Variants in SUPT3H observed in about 807,000 individuals in gnomAD.
SUPT3H encodes SPT3 homolog, SAGA and STAGA complex component, also known as transcription initiation protein SPT3 homolog.
SUPT3H carries 44 observed loss-of-function variants against 44.3 expected under a neutral mutation model. The ratio of observed to expected loss-of-function variants is 0.99; its 90% CI spans 0.78 to 1.28. The LOEUF (loss-of-function observed/expected upper bound fraction) is 1.28. Among genes scored for constraint, SUPT3H ranks in the 50% most tolerant of loss-of-function variants. The pLI is 0.00. For synonymous variants in SUPT3H, 124 were observed against 125.6 expected (o/e 0.99, Z 0.09); for missense variants, 380 against 387.1 (o/e 0.98, Z 0.15).
At chr6:44,845,162 C>T (rs1015700669) in intron 10 of SUPT3H, among the ~76,000 whole-genome samples, 3 of 152,146 alleles carry the variant, frequency 2.0e-5, no homozygotes, top group Admixed American at 2.0e-4. Context: ...TATAATTATA[C>T]AATAAATTCC....
intron 5 of SUPT3H, among the ~76,000 whole-genome samples, chr6:45,009,336 T>G (rs529297726): frequency 1.3e-5 from 2 of 152,314 alleles, no homozygotes; most frequent in South Asian, 4.1e-4. Flanking sequence ...AATTTTCCCT[T>G]TTTCTTTTGC....
chr6:45,251,862 T>A (rs1166664903), intron 2 of SUPT3H, among the ~76,000 whole-genome samples: 1 of 152,110 alleles, frequency 6.6e-6, no homozygotes, highest in African/African-American at 2.4e-5. Context: ...TCCAAAGGTT[T>A]AGATATGAAC....
chr6:45,173,739 C>T (rs1053781647), intron 2 of SUPT3H, among the ~76,000 whole-genome samples: 1 of 152,204 alleles, frequency 6.6e-6, no homozygotes, highest in African/African-American at 2.4e-5. Flanking sequence ...ATACATACTT[C>T]AAAAGCCTAA....
intron 3 of SUPT3H, among the ~76,000 whole-genome samples, chr6:45,089,443 A>C (rs1796870384): frequency 6.6e-6 from 1 of 151,978 alleles, no homozygotes; most frequent in South Asian, 2.1e-4. Flanking sequence ...ATCTTCCTGA[A>C]ATGCCATTCG....
intron 2 of SUPT3H, among the ~76,000 whole-genome samples, chr6:45,220,397 C>G (rs566096378): frequency 6.6e-6 from 1 of 152,072 alleles, no homozygotes; most frequent in African/African-American, 2.4e-5. Context: ...AAAAAAAAAT[C>G]TGACAAAATC....
At chr6:44,821,719 T>C (rs1029049672) in intron 11 of SUPT3H, among the ~76,000 whole-genome samples, 1 of 152,028 alleles carries the variant, frequency 6.6e-6, no homozygotes, top group Non-Finnish European at 1.5e-5. Flanking sequence ...AAATAAGACA[T>C]ATGAAAAAAG....
intron 6 of SUPT3H, among the ~76,000 whole-genome samples, chr6:44,999,483 T>C (rs1781726925): frequency 6.6e-6 from 1 of 151,996 alleles, no homozygotes; most frequent in South Asian, 2.1e-4. Flanking sequence ...TTACATATAA[T>C]TGAACATGTG....
At chr6:45,136,496 A>T (rs778177278) in intron 2 of SUPT3H, among the ~76,000 whole-genome samples, 17 of 152,294 alleles carry the variant, frequency 1.1e-4, no homozygotes, top group Non-Finnish European at 2.2e-4. Context: ...ATACAAGTCA[A>T]GCAGTCATTA....
At chr6:45,328,912 T>C (rs749689318) in intron 2 of SUPT3H, 8 of 996,918 alleles carry the variant, frequency 8.0e-6, no homozygotes, top group Non-Finnish European at 1.2e-5. Context: ...TCTTGTTGCA[T>C]TAAGAATTGA....
In SUPT3H at chr6:45,020,583, G is replaced by A; in HGVS notation, c.236C>T (p.Thr79Ile). 1 of 1,611,740 alleles carries A rather than the reference G, an allele frequency of 6.2e-7. No homozygotes were observed. The highest frequency in any genetic ancestry group is 8.5e-7 in the Non-Finnish European group (1 of 1,178,466). The change falls in exon 4 of 11, where the codon ACT becomes ATT. Residue 79 changes from threonine to isoleucine, a missense_variant. Physicochemically the swap from Thr to Ile is moderately conservative, Grantham distance 89. Coordinates refer to ENST00000371459, the MANE Select transcript of SUPT3H (RefSeq NM_003599.4). ...CATCAAAAACAGAAGATCTTCAGGA[G>A]TGATTACCCTTGCTCCCCGCAGCTG... is the stretch of plus-strand genomic sequence containing the variant. ...VSQLRGARVI[T>I]PEDLLFLMRK...
intron 6 of SUPT3H, among the ~76,000 whole-genome samples, chr6:44,974,933 G>A (rs1778108705): frequency 6.6e-6 from 1 of 152,138 alleles, no homozygotes; most frequent in South Asian, 2.1e-4. Flanking sequence ...TTTATTGGGA[G>A]GCCGAGGCAG....
intron 6 of SUPT3H, among the ~76,000 whole-genome samples, chr6:44,994,940 T>A (rs905669780): frequency 8.6e-5 from 13 of 151,874 alleles, no homozygotes; most frequent in South Asian, 2.1e-4. Context: ...TTTTTTTTTT[T>A]AATTAACTGC....
intron 1 of SUPT3H, among the ~76,000 whole-genome samples, chr6:45,375,263 T>C (rs1796620706): frequency 1.3e-5 from 2 of 152,160 alleles, no homozygotes; most frequent in Non-Finnish European, 1.5e-5. Context: ...TAAAACTATA[T>C]ATTACAAGTC....
chr6:45,000,194 A>G (rs1781837170), intron 6 of SUPT3H, among the ~76,000 whole-genome samples: 1 of 152,024 alleles, frequency 6.6e-6, no homozygotes, highest in African/African-American at 2.4e-5. Context: ...TAACATATTT[A>G]AGAGTTTCAG....
At position 45,006,062 on chromosome 6, in the gene SUPT3H, T is replaced by A. The variant is rs575092963; in HGVS notation, c.365-2270A>T. On this transcript the variant is annotated intron_variant, in intron 5 of 10. Coordinates refer to ENST00000371459, the MANE Select transcript of SUPT3H (RefSeq NM_003599.4). ...TTTTATTATTATTATTATTACCCTT[T>A]ATCCTTCTATAAAATATTCCTCTTT... Among the ~76,000 whole-genome samples the A allele has an allele frequency of 1.0e-3, 154 of 152,192 alleles. 5 individuals carry two copies. In the South Asian group the frequency reaches 0.031, roughly 31 times the overall value.
chr6:45,172,264 G>A (rs1428789969), intron 2 of SUPT3H, among the ~76,000 whole-genome samples: 2 of 151,344 alleles, frequency 1.3e-5, no homozygotes, highest in Non-Finnish European at 2.9e-5. Context: ...GTAGAGATGG[G>A]GTTTCACCAT....
At chr6:45,015,018 T>C in intron 4 of SUPT3H, 127 bp from the exon 5 acceptor site, 1 of 471,338 alleles carries the variant, frequency 2.1e-6, no homozygotes, top group Non-Finnish European at 3.5e-6. Context: ...AAGTAATCCT[T>C]AGCATACTGC....
Position 45,040,426 on chromosome 6 carries a change from T to C in SUPT3H, c.187-19794A>G, listed in dbSNP as rs116242564. On this transcript the variant is annotated intron_variant, in intron 3 of 10. Coordinates refer to ENST00000371459, the MANE Select transcript of SUPT3H (RefSeq NM_003599.4). ...TACATTCGTACATGCAGATTAAGAATAGTCACAATAAGAAATAGTTGTTTG... is the reference window on the plus strand; with the variant it reads ...TACATTCGTACATGCAGATTAAGAACAGTCACAATAAGAAATAGTTGTTTG... Among the ~76,000 whole-genome samples the C allele has an allele frequency of 5.1e-3, 774 of 152,326 alleles. 12 individuals are homozygous for C. The highest frequency in any genetic ancestry group is 0.018 in the African/African-American group (737 of 41,574).
intron 2 of SUPT3H, among the ~76,000 whole-genome samples, chr6:45,160,221 T>C (rs1396012493): frequency 6.6e-6 from 1 of 152,202 alleles, no homozygotes; most frequent in Non-Finnish European, 1.5e-5. Context: ...AAAATGTTGT[T>C]TATTTTGAAA....
Sources: allele counts gnomAD v4.1 joint callset (sites outside exome capture counted in the v4.1 genomes callset), GRCh38; gene constraint gnomAD v4.1.1; transcripts MANE v1.5; gene names NCBI Gene and HGNC (gene_info 2026-07-23, HGNC 2026-07-21).